The following CDK14 variants were observed in gnomAD, a reference collection of about 807,000 sequenced individuals.
The protein encoded by CDK14 is cyclin-dependent kinase 14.
In CDK14, 34 loss-of-function variants were observed where a neutral mutation model predicts 60.7. That is an observed-to-expected ratio of 0.56 (90% CI 0.43 to 0.75). The LOEUF (loss-of-function observed/expected upper bound fraction) is 0.75. CDK14 is among the 30% of genes least tolerant of loss of function. CDK14 has a pLI of 0.00. For missense variants in CDK14, 482 were observed against 564.1 expected, an observed-to-expected ratio of 0.85 and a Z score of 1.47; for synonymous variants, 197 against 203.7, an observed-to-expected ratio of 0.97 and a Z score of 0.28.
chr7:90,989,144 A>C (rs146805438), intron 10 of CDK14, among the ~76,000 whole-genome samples: 1 of 152,200 alleles, frequency 6.6e-6, no homozygotes, highest in Non-Finnish European at 1.5e-5. Context: ...TAGTTTGCAG[A>C]TTCAGTTCCT....
At chr7:90,724,790 C>T (rs1392425870) in intron 2 of CDK14, among the ~76,000 whole-genome samples, 1 of 151,646 alleles carries the variant, frequency 6.6e-6, no homozygotes, top group Non-Finnish European at 1.5e-5. Flanking sequence ...TCTGTGTTTG[C>T]AGTTCATTGA....
chr7:90,778,254 AATG>A, intron 4 of CDK14, among the ~76,000 whole-genome samples: 1 of 152,354 alleles, frequency 6.6e-6, no homozygotes, highest in Middle Eastern at 3.4e-3. Flanking sequence ...CATTTCAGTA[AATG>A]ATACCTACAT....
chr7:90,983,923 C>T (rs1192543751), intron 9 of CDK14, among the ~76,000 whole-genome samples: 1 of 152,052 alleles, frequency 6.6e-6, no homozygotes, highest in African/African-American at 2.4e-5. Context: ...ACGTTCAGTA[C>T]CTGGATGATG....
intron 14 of CDK14, among the ~76,000 whole-genome samples, chr7:91,133,213 A>C (rs1180857821): frequency 6.6e-6 from 1 of 152,074 alleles, no homozygotes; most frequent in Non-Finnish European, 1.5e-5. Flanking sequence ...TGTTTTTATG[A>C]ATAAATTCAT....
chr7:91,089,464 T>C (rs937596864), intron 12 of CDK14, among the ~76,000 whole-genome samples: 5 of 152,000 alleles, frequency 3.3e-5, no homozygotes, highest in African/African-American at 1.2e-4. Context: ...CTCTTTTTCA[T>C]CTTACCTTTA....
intron 9 of CDK14, among the ~76,000 whole-genome samples, chr7:90,958,922 T>C (rs3808257): frequency 0.35 from 53,687 of 151,918 alleles, 10,186 homozygotes; most frequent in East Asian, 0.67. Context: ...TGGCTAATTT[T>C]TCCCAAACCT....
At chr7:90,959,959 A>G (rs1320262624) in intron 9 of CDK14, among the ~76,000 whole-genome samples, 2 of 152,172 alleles carry the variant, frequency 1.3e-5, no homozygotes, top group Non-Finnish European at 2.9e-5. Context: ...TTTTGGATTT[A>G]TAACTCTGTG....
chr7:90,973,723 G>GC (rs959316261), intron 9 of CDK14, among the ~76,000 whole-genome samples: 1 of 68,846 alleles, frequency 1.5e-5, no homozygotes, highest in Non-Finnish European at 3.3e-5. Context: ...CGCAAAACCA[G>GC]CAATTTTTTT....
chr7:90,998,723 T>G (rs1795755084), intron 10 of CDK14, among the ~76,000 whole-genome samples: 1 of 151,858 alleles, frequency 6.6e-6, no homozygotes, highest in African/African-American at 2.4e-5. Context: ...CCCGTCTCTA[T>G]TAAAAATACA....
intron 10 of CDK14, among the ~76,000 whole-genome samples, chr7:90,999,991 G>T (rs1397880582): frequency 6.6e-6 from 1 of 152,042 alleles, no homozygotes; most frequent in African/African-American, 2.4e-5. Flanking sequence ...AAATAGTTTC[G>T]TCTTCTCTAG....
At chr7:90,976,007 C>A (rs760402940) in intron 9 of CDK14, among the ~76,000 whole-genome samples, 7 of 152,060 alleles carry the variant, frequency 4.6e-5, no homozygotes, top group Non-Finnish European at 1.0e-4. Flanking sequence ...ACATGGGGTG[C>A]AAATGTCTCT....
At chr7:90,909,179 C>T (rs1359426939) in intron 7 of CDK14, among the ~76,000 whole-genome samples, 2 of 152,274 alleles carry the variant, frequency 1.3e-5, no homozygotes, top group South Asian at 2.1e-4. Flanking sequence ...TGTGCTATTT[C>T]TGTATAGTTC....
intron 4 of CDK14, among the ~76,000 whole-genome samples, chr7:90,779,930 T>C (rs1805236883): frequency 1.3e-5 from 2 of 152,224 alleles, no homozygotes; most frequent in South Asian, 4.1e-4. Context: ...TGTCAATCTT[T>C]TAGTCCATGG....
chr7:91,033,254 G>T (rs1359638949), intron 10 of CDK14, among the ~76,000 whole-genome samples: 2 of 152,190 alleles, frequency 1.3e-5, no homozygotes, highest in Non-Finnish European at 2.9e-5. Context: ...GCTGTGACTT[G>T]CAGAGTGCCA....
chr7:91,117,187 T>C (rs970698584), intron 13 of CDK14, among the ~76,000 whole-genome samples: 1 of 150,566 alleles, frequency 6.6e-6, no homozygotes, highest in Non-Finnish European at 1.5e-5. Flanking sequence ...GCAGCATCAT[T>C]CTTCCAGTTG....
At position 90,922,586 on chromosome 7, in the gene CDK14, A is replaced by G. The variant is rs972920058; in HGVS notation, c.826+4862A>G. Among the ~76,000 whole-genome samples, 10 of 152,224 alleles carry G rather than the reference A, an allele frequency of 6.6e-5. No homozygotes were observed. The East Asian group carries it at 1.9e-3, about 29-fold the overall frequency. ...TATTTCCCTTTGACACATTACTTTA[A>G]AGATATAGTAACTCTTTTGAAAAGG... On this transcript the variant is annotated intron_variant, in intron 8 of 14. Transcript: ENST00000380050.
intron 7 of CDK14, among the ~76,000 whole-genome samples, chr7:90,915,661 G>A (rs1793057789): frequency 6.6e-6 from 1 of 152,206 alleles, no homozygotes; most frequent in African/African-American, 2.4e-5. Flanking sequence ...TTCTGGCCAA[G>A]ATGATGAGTG....
intron 2 of CDK14, among the ~76,000 whole-genome samples, chr7:90,653,809 C>T (rs1800697464): frequency 6.6e-6 from 1 of 152,138 alleles, no homozygotes; most frequent in South Asian, 2.1e-4. Flanking sequence ...CTAATGCTAT[C>T]CCTCCTTCTC....
At chr7:91,028,706 G>T (rs1306446809) in intron 10 of CDK14, among the ~76,000 whole-genome samples, 1 of 151,992 alleles carries the variant, frequency 6.6e-6, no homozygotes, top group Non-Finnish European at 1.5e-5. Context: ...TCATATGTTT[G>T]TTGGTCATTT....
Sources: gnomAD v4.1 joint callset for allele counts (sites outside exome capture counted in the v4.1 genomes callset) on GRCh38, gnomAD v4.1.1 for gene constraint, MANE v1.5 for transcripts, NCBI Gene and HGNC (gene_info 2026-07-23, HGNC 2026-07-21) for gene names.